Variants in CX3CL1 observed in about 807,000 individuals in gnomAD.
The protein encoded by CX3CL1 is fractalkine.
CX3CL1 carries 1 observed loss-of-function variant against 14.1 expected under a neutral mutation model. The ratio of observed to expected loss-of-function variants is 0.07; its 90% CI spans 0.03 to 0.34. The LOEUF (loss-of-function observed/expected upper bound fraction) is 0.34. Among genes scored for constraint, CX3CL1 ranks in the 10% least tolerant of loss-of-function variants. CX3CL1 has a pLI of 0.99. For missense variants in CX3CL1, 505 were observed against 536.4 expected (o/e 0.94, Z 0.58); for synonymous variants, 255 against 229.6 (o/e 1.11, Z -1.00).
In CX3CL1 at chr16:57,382,382, G is replaced by C; in HGVS notation, c.544G>C (p.Gly182Arg). The change falls in exon 3 of 3, where the codon GGC (glycine) becomes CGC (arginine). Residue 182 changes from glycine (G) to arginine (R), a missense_variant. Coordinates refer to ENST00000006053, the MANE Select transcript of CX3CL1 (RefSeq NM_002996.6). This position sits in a 1 kb window ranked among gnomAD's most constrained non-coding sequence, Gnocchi z 6.9. ...TPKAQDGGPVGTELFRVPPVS... is the reference protein window; with the variant it reads ...TPKAQDGGPVRTELFRVPPVS... ...AAAGGCTCAGGATGGAGGGCCTGTGGGCACGGAGCTTTTCCGAGTGCCTCC... is the reference window on the plus strand; with the variant it reads ...AAAGGCTCAGGATGGAGGGCCTGTGCGCACGGAGCTTTTCCGAGTGCCTCC... 6.2e-7 allele frequency: 1 copy of C among 1,611,678 alleles called. No individual in the cohort carries two copies. Among genetic ancestry groups the C allele is most frequent in the Non-Finnish European group, 8.5e-7 (1 of 1,179,974 alleles).
intron 1 of CX3CL1, among the ~76,000 whole-genome samples, chr16:57,374,927 C>T (rs981354580): frequency 2.0e-5 from 3 of 151,958 alleles, no homozygotes; most frequent in Admixed American, 6.6e-5. Flanking sequence ...GATCACCTGA[C>T]GTCAGGAGTT....
intron 1 of CX3CL1, chr16:57,377,900 A>T (rs1902266174): frequency 6.6e-6 from 1 of 152,150 alleles, no homozygotes; most frequent in Non-Finnish European, 1.5e-5. Flanking sequence ...TTTGCTGGAG[A>T]TTATAGAGGA....
intron 1 of CX3CL1, chr16:57,379,249 C>T (rs2146512406): frequency 4.2e-6 from 1 of 235,744 alleles, no homozygotes; most frequent in East Asian, 8.4e-5. Flanking sequence ...TCGCTTGAAT[C>T]TGGGAGGCCG....
chr16:57,372,820 G>A (rs1902197704), intron 1 of CX3CL1, among the ~76,000 whole-genome samples, 182 bp downstream of exon 1: 1 of 152,124 alleles, frequency 6.6e-6, no homozygotes, highest in African/African-American at 2.4e-5. Flanking sequence ...ATGCAGCGCT[G>A]GACAGATTTC....
chr16:57,372,735 G>C (rs1285030643), intron 1 of CX3CL1, 97 bp downstream of exon 1: 11 of 1,275,738 alleles, frequency 8.6e-6, no homozygotes, highest in Non-Finnish European at 1.1e-5. Context: ...ACCCTGCCTG[G>C]GTAAAGCTCA....
chr16:57,373,016 C>T (rs932322409), intron 1 of CX3CL1, among the ~76,000 whole-genome samples: 1 of 152,136 alleles, frequency 6.6e-6, no homozygotes, highest in Admixed American at 6.5e-5. Flanking sequence ...GTGGCTGGCT[C>T]TTTCCATCAA....
rs1199920734 is a variant in CX3CL1, at chr16:57,382,746, C to T, written c.908C>T (p.Ala303Val). ...GGGACCCCCAGCAGGGAGCCAGTGGCTTCAGGCAGCTGGACCCCTAAGGCT... is the reference window on the plus strand; with the variant it reads ...GGGACCCCCAGCAGGGAGCCAGTGGTTTCAGGCAGCTGGACCCCTAAGGCT... ...SEGTPSREPV[A>V]SGSWTPKAEE... Residue 303 changes from alanine (A) to valine (V), a missense_variant, in exon 3 of 3, where the codon GCT becomes GTT. Coordinates refer to ENST00000006053, the MANE Select transcript of CX3CL1 (RefSeq NM_002996.6). This position sits in a 1 kb window ranked among gnomAD's most constrained non-coding sequence, Gnocchi z 6.9. The T allele has an allele frequency of 6.2e-7, 1 of 1,612,188 alleles. No individual in the cohort carries two copies. Among genetic ancestry groups the T allele is most frequent in the African/African-American group, 1.3e-5 (1 of 74,912 alleles).
Position 57,382,749 on chromosome 16 carries a change from C to T in CX3CL1, c.911C>T (p.Ser304Leu), listed in dbSNP as rs1902349154. The T allele has an allele frequency of 6.8e-6, 11 of 1,612,270 alleles. No homozygotes were observed. The highest frequency in any genetic ancestry group is 9.3e-6 in the Non-Finnish European group (11 of 1,179,724). The change falls in exon 3 of 3, where the codon TCA becomes TTA. Residue 304 changes from serine (S) to leucine (L), a missense_variant. Ser to Leu is a moderately radical substitution (Grantham distance 145, BLOSUM62 -2). Coordinates refer to ENST00000006053, the MANE Select transcript of CX3CL1 (RefSeq NM_002996.6). The surrounding 1 kb of genome is among the most constrained non-coding windows in gnomAD (Gnocchi z 6.9). ...EGTPSREPVASGSWTPKAEEP... is the reference protein window; with the variant it reads ...EGTPSREPVALGSWTPKAEEP... ...ACCCCCAGCAGGGAGCCAGTGGCTT[C>T]AGGCAGCTGGACCCCTAAGGCTGAG... is the stretch of plus-strand genomic sequence containing the variant.
rs1437634998 is a variant in CX3CL1, at chr16:57,384,934, C to CTAGGAAGACTTTGGAAAGAG, written c.*1922_*1941dup. 3.3e-5 allele frequency: 5 copies of CTAGGAAGACTTTGGAAAGAG among 152,360 alleles called. No homozygotes were observed. Among genetic ancestry groups the CTAGGAAGACTTTGGAAAGAG allele is most frequent in the Admixed American group, 2.6e-4 (4 of 15,314 alleles). The allele number at this position is 152,360 out of a possible 1,614,324, so 9.4% of individuals were successfully genotyped here. On this transcript the variant is annotated 3_prime_UTR_variant, in exon 3 of 3. Transcript: ENST00000006053. Reference sequence around the variant, plus strand: ...CAAGCAGGACATGGACAAGGATGATCTAGGAAGACTTTGGAAAGAGTAGGA... The same window carrying CTAGGAAGACTTTGGAAAGAG: ...CAAGCAGGACATGGACAAGGATGATCTAGGAAGACTTTGGAAAGAGTAGGAAGACTTTGGAAAGAGTAGGA...
At position 57,379,805 on chromosome 16, in the gene CX3CL1, T is replaced by C. The variant is rs202237857; in HGVS notation, c.191+51T>C. On this transcript the variant is annotated intron_variant, in intron 2 of 2. Coordinates refer to ENST00000006053, the MANE Select transcript of CX3CL1 (RefSeq NM_002996.6). ...AAATCCCCTTTGGGCCCTTGGAATATTCCCAGACCTCTGAGAATCTACGTC... is the reference window on the plus strand; with the variant it reads ...AAATCCCCTTTGGGCCCTTGGAATACTCCCAGACCTCTGAGAATCTACGTC... 5.6e-4 allele frequency: 903 copies of C among 1,602,960 alleles called. 1 individual carries two copies. Among genetic ancestry groups the C allele is most frequent in the Non-Finnish European group, 6.6e-4 (776 of 1,171,520 alleles).
intron 2 of CX3CL1, among the ~76,000 whole-genome samples, chr16:57,380,256 G>A (rs895334359): frequency 2.6e-5 from 4 of 152,194 alleles, no homozygotes; most frequent in African/African-American, 9.7e-5. Context: ...AGCTAGGACA[G>A]GATGTAACTA....
In CX3CL1 at chr16:57,382,633, G is replaced by T; in HGVS notation, c.795G>T (p.Met265Ile). 1 of 1,613,810 alleles carries T rather than the reference G, an allele frequency of 6.2e-7. No homozygotes were observed. Among genetic ancestry groups the T allele is most frequent in the Non-Finnish European group, 8.5e-7 (1 of 1,179,834 alleles). The change falls in exon 3 of 3, where the codon ATG becomes ATT. Residue 265 changes from methionine to isoleucine, a missense_variant. By Grantham distance (10) the Met-to-Ile change is conservative (BLOSUM62 1). Coordinates refer to ENST00000006053, the MANE Select transcript of CX3CL1 (RefSeq NM_002996.6). The surrounding 1 kb of genome is among the most constrained non-coding windows in gnomAD (Gnocchi z 6.9). ...AGAACTCTCTGGAGCGGGAGGAGAT[G>T]GGTCCCGTGCCAGCGCACACGGATG... The part of the protein sequence containing the change: ...RPENSLEREE[M>I]GPVPAHTDAF...
intron 1 of CX3CL1, among the ~76,000 whole-genome samples, chr16:57,374,748 C>T (rs1902223532): frequency 6.6e-6 from 1 of 152,150 alleles, no homozygotes; most frequent in African/African-American, 2.4e-5. Context: ...CCTCAGCCCT[C>T]GAGGTGCTGT....
Position 57,381,912 on chromosome 16 carries a change from A to G in CX3CL1, c.192-118A>G, listed in dbSNP as rs113721263. The G allele has an allele frequency of 5.9e-3, 6,728 of 1,136,386 alleles. 327 individuals carry two copies. In the African/African-American group the frequency reaches 0.094, roughly 16 times the overall value. The allele number at this position is 1,136,386 out of a possible 1,614,324, so 70.4% of individuals were successfully genotyped here. A position where few individuals can be genotyped will look rare whatever the true frequency, so the allele number is the denominator to read the frequency against. On this transcript the variant is annotated intron_variant, in intron 2 of 2. Coordinates refer to ENST00000006053, the MANE Select transcript of CX3CL1 (RefSeq NM_002996.6). Reference sequence around the variant, plus strand: ...TGCCTCACAGACGCTAAGTGGGAGGACAGGGTTTCCAGCCGGGTGTGTTCA... The same window carrying G: ...TGCCTCACAGACGCTAAGTGGGAGGGCAGGGTTTCCAGCCGGGTGTGTTCA...
Position 57,382,162 on chromosome 16 carries a change from C to G in CX3CL1, c.324C>G (p.Gly108=). The G allele has an allele frequency of 6.2e-7, 1 of 1,613,814 alleles. No homozygotes were observed. Among genetic ancestry groups the G allele is most frequent in the Non-Finnish European group, 8.5e-7 (1 of 1,179,978 alleles). The change falls in exon 3 of 3, where the codon GGC becomes GGG. Residue 108 remains glycine (G), a synonymous_variant. Transcript: ENST00000006053. This position sits in a 1 kb window ranked among gnomAD's most constrained non-coding sequence, Gnocchi z 6.9. ...GCGGCACCTTCGAGAAGCAGATCGG[C>G]GAGGTGAAGCCCAGGACCACCCCTG... ...RNGGTFEKQI[G]EVKPRTTPAA... is the part of the protein sequence containing the mutation.
chr16:57,382,546 A>AG lies in CX3CL1; in HGVS notation c.709dup (p.Glu237GlyfsTer7). ...CCTCCACTGCGTCCTCCCCAGCCCC[A>AG]GAGGAGAATGCTCCGTCTGAAGGCC... On this transcript the variant is annotated frameshift_variant, in exon 3 of 3. Coordinates refer to ENST00000006053, the MANE Select transcript of CX3CL1 (RefSeq NM_002996.6). LOFTEE classifies it low-confidence loss of function (END_TRUNC). The surrounding 1 kb of genome is among the most constrained non-coding windows in gnomAD (Gnocchi z 6.9). 1 of 1,613,944 alleles carries AG rather than the reference A, an allele frequency of 6.2e-7. No homozygotes were observed. The highest frequency in any genetic ancestry group is 8.5e-7 in the Non-Finnish European group (1 of 1,179,936).
At chr16:57,379,146 G>A (rs1489611590) in intron 1 of CX3CL1, 1 of 154,984 alleles carries the variant, frequency 6.5e-6, no homozygotes, top group African/African-American at 2.4e-5. Flanking sequence ...GACCAACATG[G>A]AGAAACCCCG....
At chr16:57,381,710 C>T (rs1181019885) in intron 2 of CX3CL1, among the ~76,000 whole-genome samples, 3 of 152,112 alleles carry the variant, frequency 2.0e-5, no homozygotes, top group African/African-American at 4.8e-5. Context: ...TCAACTCGTC[C>T]GTGTTTGCCT....
At chr16:57,379,531 A>G (rs1285104204) in intron 1 of CX3CL1, 103 bp from the exon 2 acceptor site, 20 of 1,453,126 alleles carry the variant, frequency 1.4e-5, no homozygotes, top group Non-Finnish European at 1.3e-5. Flanking sequence ...TGTACAGGGG[A>G]TCAGTTTTGG....
Sources: gnomAD v4.1 joint callset for allele counts (sites outside exome capture counted in the v4.1 genomes callset) on GRCh38, gnomAD v4.1.1 for gene constraint, Gnocchi (gnomAD v3.1) non-coding constraint, MANE v1.5 for transcripts, NCBI Gene and HGNC (gene_info 2026-07-23, HGNC 2026-07-21) for gene names.